HERC4: variants seen among roughly 807,000 people sequenced by gnomAD.
HERC4 encodes HECT and RLD domain containing E3 ubiquitin protein ligase 4.
Under a neutral mutation model 124.3 loss-of-function variants are expected in HERC4, and 28 were observed. That is an observed-to-expected ratio of 0.23 (90% CI 0.17 to 0.31). The LOEUF (loss-of-function observed/expected upper bound fraction) is 0.31. Among genes scored for constraint, HERC4 ranks in the 10% least tolerant of loss-of-function variants. The pLI is 1.00. For synonymous variants in HERC4, 407 were observed against 421.5 expected, an observed-to-expected ratio of 0.97 and a Z score of 0.42; for missense variants, 713 against 1,229.3, an observed-to-expected ratio of 0.58 and a Z score of 6.28.
chr10:68,073,401 A>G (rs2041663310), intron 2 of HERC4, among the ~76,000 whole-genome samples: 1 of 152,180 alleles, frequency 6.6e-6, no homozygotes, highest in Non-Finnish European at 1.5e-5. Flanking sequence ...ACTTTCTATG[A>G]TCCTTTGCAA....
At chr10:67,945,432 C>A (rs1248079879) in intron 19 of HERC4, among the ~76,000 whole-genome samples, 1 of 152,032 alleles carries the variant, frequency 6.6e-6, no homozygotes, top group Non-Finnish European at 1.5e-5. Context: ...CAACATGAGA[C>A]CTGTTCAAGA....
chr10:68,037,606 T>C (rs188677404), intron 5 of HERC4, among the ~76,000 whole-genome samples: 1 of 152,166 alleles, frequency 6.6e-6, no homozygotes, highest in African/African-American at 2.4e-5. Context: ...CTTCCCCAGT[T>C]GCAGCTATGA....
intron 19 of HERC4, among the ~76,000 whole-genome samples, chr10:67,941,517 AC>A (rs1284701682): frequency 7.2e-5 from 11 of 152,102 alleles, no homozygotes; most frequent in Non-Finnish European, 1.2e-4. Flanking sequence ...ACACCTGTAA[AC>A]CAATCACTCA....
In HERC4 at chr10:68,042,018, C is replaced by CT. The variant is rs542391395; in HGVS notation, c.386+2385dup. Among the ~76,000 whole-genome samples, 205 of 151,590 alleles carry CT rather than the reference C, an allele frequency of 1.4e-3. 1 individual carries two copies. The highest frequency in any genetic ancestry group is 1.8e-3 in the Non-Finnish European group (124 of 67,838). On this transcript the variant is annotated intron_variant, in intron 4 of 24. Coordinates refer to ENST00000373700, the MANE Select transcript of HERC4 (RefSeq NM_015601.4). ...GCGAATCTTCACTTTTCTGATTACT[C>CT]TTTTTTTTTATTTTTTGAGATGGAG...
chr10:67,968,260 G>A (rs1188222812), intron 15 of HERC4, among the ~76,000 whole-genome samples: 1 of 152,044 alleles, frequency 6.6e-6, no homozygotes, highest in African/African-American at 2.4e-5. Context: ...CACATCCTTG[G>A]CTAACTCTAA....
intron 16 of HERC4, among the ~76,000 whole-genome samples, chr10:67,957,883 C>T (rs879667454): frequency 3.9e-5 from 6 of 152,094 alleles, no homozygotes; most frequent in Non-Finnish European, 5.9e-5. Context: ...TCTAGGCTCA[C>T]GGCAACCTTC....
chr10:67,974,719 T>C (rs996126642), intron 15 of HERC4, among the ~76,000 whole-genome samples: 1 of 152,210 alleles, frequency 6.6e-6, no homozygotes, highest in Non-Finnish European at 1.5e-5. Context: ...TATATAATTT[T>C]CATGTTTTCT....
At chr10:68,041,703 C>T (rs1041425379) in intron 4 of HERC4, among the ~76,000 whole-genome samples, 2 of 152,018 alleles carry the variant, frequency 1.3e-5, no homozygotes, top group African/African-American at 4.8e-5. Flanking sequence ...TATGTGTTTC[C>T]ACTTATATTA....
intron 9 of HERC4, among the ~76,000 whole-genome samples, chr10:68,001,700 C>A (rs1325643687): frequency 6.6e-6 from 1 of 152,052 alleles, no homozygotes; most frequent in African/African-American, 2.4e-5. Context: ...AAACAGAAAC[C>A]CATTAAATGG....
In HERC4 at chr10:67,984,830, G is replaced by A. The variant is rs189781654; in HGVS notation, c.1806+3833C>T. On this transcript the variant is annotated intron_variant, in intron 15 of 24. Transcript: ENST00000373700. ...AACTCCTGACCTCAAGTGATCCACC[G>A]GCCTCAGCCTCGCAAAGTGCTGGGG... is the stretch of plus-strand genomic sequence containing the variant. Among the ~76,000 whole-genome samples, 133 of 152,098 alleles carry A rather than the reference G, an allele frequency of 8.7e-4. 1 individual carries two copies. The highest frequency in any genetic ancestry group is 1.6e-3 in the Non-Finnish European group (108 of 67,980).
rs1367861501 is a variant in HERC4 at position 68,003,328 on chromosome 10, A to T, written c.1070-10646T>A. On this transcript the variant is annotated intron_variant, in intron 9 of 24. Coordinates refer to ENST00000373700, the MANE Select transcript of HERC4 (RefSeq NM_015601.4). Reference sequence around the variant, plus strand: ...AGGCGCCTGCCACCATGCCTGACTAATTTTTTTTTTTTTTTTTTGTATTTT... The same window carrying T: ...AGGCGCCTGCCACCATGCCTGACTATTTTTTTTTTTTTTTTTTTGTATTTT... 4.4e-3 allele frequency among the ~76,000 whole-genome samples: 574 copies of T among 130,830 alleles called. 5 individuals are homozygous for T. Among genetic ancestry groups the T allele is most frequent in the African/African-American group, 0.016 (546 of 34,774 alleles). The allele number at this position is 130,830 out of a possible 152,430, so 85.8% of individuals were successfully genotyped here. A position where few individuals can be genotyped will look rare whatever the true frequency, so the allele number is the denominator to read the frequency against.
chr10:67,981,509 C>A (rs930413719), intron 15 of HERC4, among the ~76,000 whole-genome samples: 1 of 152,226 alleles, frequency 6.6e-6, no homozygotes, highest in Non-Finnish European at 1.5e-5. Flanking sequence ...AAACATGAGA[C>A]TTAATCTGCA....
intron 7 of HERC4, among the ~76,000 whole-genome samples, chr10:68,025,986 C>T (rs1385934266): frequency 6.6e-6 from 1 of 152,268 alleles, no homozygotes; most frequent in East Asian, 1.9e-4. Flanking sequence ...TATAATTTCA[C>T]GAAACCTAAA....
intron 15 of HERC4, among the ~76,000 whole-genome samples, chr10:67,974,068 T>A (rs2035419209): frequency 2.4e-5 from 2 of 81,824 alleles, no homozygotes; most frequent in African/African-American, 4.6e-5. Context: ...AAAAAAAAAT[T>A]ACTGTACACA....
Position 67,991,211 on chromosome 10 carries a change from A to T in HERC4, c.1272-12T>A, listed in dbSNP as rs750164893. The T allele has an allele frequency of 1.0e-4, 153 of 1,490,262 alleles. No individual in the cohort carries two copies. Among genetic ancestry groups the T allele is most frequent in the Admixed American group, 1.3e-4 (6 of 45,790 alleles). The allele number at this position is 1,490,262 out of a possible 1,614,324, so 92.3% of individuals were successfully genotyped here. ...TTCCATCTATCTCACTAAAAAATTT[A>T]AAAAAGTTTTTTTAATCATAGAATC... On this transcript the variant is annotated splice_polypyrimidine_tract_variant and intron_variant, in intron 11 of 24. Transcript: ENST00000373700.
At chr10:67,936,620 G>A (rs953070915) in intron 21 of HERC4, among the ~76,000 whole-genome samples, 1 of 152,174 alleles carries the variant, frequency 6.6e-6, no homozygotes, top group Non-Finnish European at 1.5e-5. Context: ...CATGACAACT[G>A]CTACTCCAGG....
rs148712124 is a variant in HERC4 at position 67,955,075 on chromosome 10, A to G, written c.2081T>C (p.Ile694Thr). ...AATTAAGCAGGGATTCACAGATTCA[A>G]TCACTGGGAGAAAAAGAGAGGAGAC... is the stretch of plus-strand genomic sequence containing the variant. The part of the protein sequence containing the change: ...QNVSSLFLPV[I>T]ESVNPCLILV... Residue 694 changes from isoleucine (I) to threonine (T), a missense_variant, in exon 18 of 25, where the codon ATT (isoleucine) becomes ACT (threonine). Transcript: ENST00000373700. 1.9e-5 allele frequency: 31 copies of G among 1,594,784 alleles called. No homozygotes were observed. Among genetic ancestry groups the G allele is most frequent in the Non-Finnish European group, 2.4e-5 (28 of 1,172,970 alleles).
chr10:68,003,319 G>A (rs1312576983), intron 9 of HERC4, among the ~76,000 whole-genome samples: 1 of 141,446 alleles, frequency 7.1e-6, no homozygotes, highest in Non-Finnish European at 1.5e-5. Context: ...CTGCCACCAT[G>A]CCTGACTAAT....
intron 9 of HERC4, among the ~76,000 whole-genome samples, chr10:68,011,795 T>C (rs2037970566): frequency 6.6e-6 from 1 of 152,198 alleles, no homozygotes; most frequent in African/African-American, 2.4e-5. Context: ...ACCAGATGCA[T>C]TAGACCCTAA....
Sources: allele counts gnomAD v4.1 joint callset (sites outside exome capture counted in the v4.1 genomes callset), GRCh38; gene constraint gnomAD v4.1.1; transcripts MANE v1.5; gene names NCBI Gene and HGNC (gene_info 2026-07-23, HGNC 2026-07-21).